TLN2: variants seen among roughly 807,000 people sequenced by gnomAD.
TLN2 encodes the protein talin 2, also known as talin-2.
TLN2 carries 118 observed loss-of-function variants against 294.7 expected under a neutral mutation model. That is an observed-to-expected ratio of 0.40 (90% CI 0.34 to 0.47). TLN2 has a LOEUF of 0.47. Ranked by LOEUF, TLN2 falls within the 20% of genes least tolerant of loss-of-function variation. The probability of loss-of-function intolerance (pLI) is 0.84; values close to 1 mark genes in which losing one functional copy is unlikely to be tolerated. For synonymous variants in TLN2, 1,431 were observed against 1,304.5 expected (o/e 1.10, Z -2.09); for missense variants, 3,083 against 3,282.2 (o/e 0.94, Z 1.48).
chr15:62,477,482 C>A (rs892166934), intron 1 of TLN2, among the ~76,000 whole-genome samples: 1 of 152,266 alleles, frequency 6.6e-6, no homozygotes, highest in Admixed American at 6.5e-5. Context: ...CCTGATTGAA[C>A]AGTAGGGGAA....
intron 34 of TLN2, among the ~76,000 whole-genome samples, chr15:62,751,731 A>G (rs2061951444): frequency 6.6e-6 from 1 of 152,220 alleles, no homozygotes; most frequent in African/African-American, 2.4e-5. Context: ...CTTGTACAGG[A>G]TGCATGACCA....
chr15:62,502,028 T>G (rs2039336025), intron 1 of TLN2, among the ~76,000 whole-genome samples: 1 of 152,144 alleles, frequency 6.6e-6, no homozygotes, highest in Non-Finnish European at 1.5e-5. Context: ...CTCGCTCTCT[T>G]TGTCCTAAGC....
intron 1 of TLN2, among the ~76,000 whole-genome samples, chr15:62,497,214 G>C (rs776446721): frequency 2.6e-5 from 4 of 152,214 alleles, no homozygotes; most frequent in Non-Finnish European, 5.9e-5. Flanking sequence ...GGATGAATGA[G>C]TGGGGCTGAT....
chr15:62,651,532 A>C (rs994721164), intron 5 of TLN2, among the ~76,000 whole-genome samples: 2 of 152,232 alleles, frequency 1.3e-5, no homozygotes, highest in African/African-American at 4.8e-5. Flanking sequence ...ACCAGACTTC[A>C]CAAGTTCTTT....
intron 1 of TLN2, among the ~76,000 whole-genome samples, chr15:62,437,978 C>T (rs1313204240): frequency 1.3e-5 from 2 of 152,212 alleles, no homozygotes; most frequent in Non-Finnish European, 2.9e-5. Flanking sequence ...GGACCATCCC[C>T]TTTCCCACTC....
At chr15:62,748,869 A>G (rs2061762578) in intron 33 of TLN2, among the ~76,000 whole-genome samples, 1 of 152,232 alleles carries the variant, frequency 6.6e-6, no homozygotes, top group South Asian at 2.1e-4. Flanking sequence ...ATTTTCCCAT[A>G]CACTGCATCT....
intron 19 of TLN2, among the ~76,000 whole-genome samples, chr15:62,703,634 C>G (rs1443853073): frequency 7.1e-6 from 1 of 141,164 alleles, no homozygotes; most frequent in Non-Finnish European, 1.5e-5. Context: ...CGCGCACACA[C>G]ACACACACAC....
intron 45 of TLN2, 119 bp from the exon 46 acceptor site, chr15:62,792,522 G>C (rs2065145400): frequency 1.5e-6 from 2 of 1,344,406 alleles, no homozygotes; most frequent in East Asian, 4.7e-5. Flanking sequence ...CTCCTAATAG[G>C]AGTGGAATTT....
intron 2 of TLN2, among the ~76,000 whole-genome samples, chr15:62,608,912 G>T (rs2047672838): frequency 6.6e-6 from 1 of 151,994 alleles, no homozygotes; most frequent in Non-Finnish European, 1.5e-5. Context: ...GTGGTGCTGG[G>T]GCCGGACAGA....
At chr15:62,531,443 C>G (rs2041037562) in intron 1 of TLN2, among the ~76,000 whole-genome samples, 1 of 152,028 alleles carries the variant, frequency 6.6e-6, no homozygotes, top group Admixed American at 6.6e-5. Flanking sequence ...TACGAAGGCT[C>G]AATTAGAGGA....
chr15:62,421,420 A>G (rs2034382126), intron 1 of TLN2, among the ~76,000 whole-genome samples: 1 of 152,180 alleles, frequency 6.6e-6, no homozygotes, highest in African/African-American at 2.4e-5. Flanking sequence ...ACCTTTATGT[A>G]CATATGAAGG....
intron 1 of TLN2, among the ~76,000 whole-genome samples, chr15:62,574,806 A>G (rs953981033): frequency 6.6e-6 from 1 of 152,028 alleles, no homozygotes; most frequent in Non-Finnish European, 1.5e-5. Context: ...TAATTGAAGA[A>G]ATTTGGCATT....
At chr15:62,794,772 C>T (rs1316194671) in intron 46 of TLN2, among the ~76,000 whole-genome samples, 2 of 152,228 alleles carry the variant, frequency 1.3e-5, no homozygotes, top group South Asian at 2.1e-4. Context: ...ACTGTGTCCA[C>T]AGCCTCTGCT....
intron 42 of TLN2, among the ~76,000 whole-genome samples, chr15:62,772,929 G>A (rs1373545477): frequency 6.6e-6 from 1 of 152,058 alleles, no homozygotes; most frequent in Admixed American, 6.5e-5. Flanking sequence ...CTCCCAAAGT[G>A]CTGGGATTAC....
intron 31 of TLN2, 80 bp downstream of exon 31, chr15:62,739,625 C>A: frequency 1.3e-6 from 2 of 1,519,620 alleles, no homozygotes; most frequent in South Asian, 1.2e-5. Flanking sequence ...ACTGACTGAA[C>A]AAATAGGAAA....
intron 1 of TLN2, among the ~76,000 whole-genome samples, chr15:62,471,201 A>T (rs772091338): frequency 6.6e-6 from 1 of 152,148 alleles, no homozygotes; most frequent in African/African-American, 2.4e-5. Flanking sequence ...GCTGGGCATG[A>T]TGGCGTGTGC....
At position 62,797,202 on chromosome 15, in the gene TLN2, C is replaced by A; in HGVS notation, c.6051-17C>A. On this transcript the variant is annotated splice_polypyrimidine_tract_variant and intron_variant, in intron 47 of 58. Transcript: ENST00000636159. ...CTCTGTCTCTCCCCCTCTCCCCTGCCCTCCTGGCTCTCTCAGGGAGAACAT... is the reference window on the plus strand; with the variant it reads ...CTCTGTCTCTCCCCCTCTCCCCTGCACTCCTGGCTCTCTCAGGGAGAACAT... 1.1e-5 allele frequency: 17 copies of A among 1,613,992 alleles called. No individual in the cohort carries two copies. Among genetic ancestry groups the A allele is most frequent in the Non-Finnish European group, 1.4e-5 (17 of 1,179,958 alleles).
At chr15:62,624,638 G>C (rs941408830) in intron 3 of TLN2, among the ~76,000 whole-genome samples, 1 of 140,230 alleles carries the variant, frequency 7.1e-6, no homozygotes, top group Non-Finnish European at 1.6e-5. Context: ...TGCTTGTCAG[G>C]TTGTCTTAAC....
At chr15:62,718,313 C>A (rs2059912999) in intron 24 of TLN2, among the ~76,000 whole-genome samples, 3 of 152,240 alleles carry the variant, frequency 2.0e-5, no homozygotes, top group African/African-American at 7.2e-5. Context: ...AGTCCAGTTG[C>A]AAAGCCACTG....
Sources: gnomAD v4.1 joint callset for allele counts (sites outside exome capture counted in the v4.1 genomes callset) on GRCh38, gnomAD v4.1.1 for gene constraint, MANE v1.5 for transcripts, NCBI Gene and HGNC (gene_info 2026-07-23, HGNC 2026-07-21) for gene names.